Variants in IQGAP1 observed in about 807,000 individuals in gnomAD.
IQGAP1 encodes the protein ras GTPase-activating-like protein IQGAP1.
IQGAP1 carries 66 observed loss-of-function variants against 215.6 expected under a neutral mutation model. That is an observed-to-expected ratio of 0.31 (90% CI 0.25 to 0.38). The LOEUF (loss-of-function observed/expected upper bound fraction) is 0.38. Ranked by LOEUF, IQGAP1 falls within the 10% of genes least tolerant of loss-of-function variation. The pLI, the probability that IQGAP1 is intolerant of heterozygous loss-of-function variation, is 1.00. For missense variants in IQGAP1, 1,712 were observed against 1,997.1 expected (o/e 0.86, Z 2.72); for synonymous variants, 772 against 728.7 (o/e 1.06, Z -0.96).
At chr15:90,455,742 T>C (rs1965670712) in intron 14 of IQGAP1, among the ~76,000 whole-genome samples, 1 of 152,238 alleles carries the variant, frequency 6.6e-6, no homozygotes, top group Non-Finnish European at 1.5e-5. Context: ...CCTTGTTATT[T>C]CTTCTATAAA....
intron 5 of IQGAP1, among the ~76,000 whole-genome samples, chr15:90,434,305 G>T (rs187262920): frequency 6.6e-6 from 1 of 152,016 alleles, no homozygotes; most frequent in Admixed American, 6.6e-5. Context: ...GGGCATGGTG[G>T]CGGGTGCCTG....
chr15:90,440,714 A>G, intron 7 of IQGAP1, 99 bp downstream of exon 7: 1 of 725,044 alleles, frequency 1.4e-6, no homozygotes. Flanking sequence ...GAATCTTGCC[A>G]GCAAGTTTAA....
intron 2 of IQGAP1, among the ~76,000 whole-genome samples, chr15:90,419,970 T>G (rs1965110042): frequency 6.6e-6 from 1 of 152,266 alleles, no homozygotes; most frequent in Admixed American, 6.5e-5. Flanking sequence ...GAGTACTTAC[T>G]CTGTGCCAGG....
chr15:90,395,891 A>G (rs980307390), intron 2 of IQGAP1, among the ~76,000 whole-genome samples: 2 of 152,232 alleles, frequency 1.3e-5, no homozygotes, highest in Non-Finnish European at 2.9e-5. Flanking sequence ...TAATTCCAGC[A>G]TTCTCTGAGT....
intron 2 of IQGAP1, among the ~76,000 whole-genome samples, chr15:90,412,892 T>C (rs1312772350): frequency 6.6e-6 from 1 of 152,204 alleles, no homozygotes; most frequent in Admixed American, 6.5e-5. Flanking sequence ...TATGTTCCCC[T>C]TCTGTATTGC....
At chr15:90,493,801 C>A (rs1041734252) in intron 35 of IQGAP1, among the ~76,000 whole-genome samples, 1 of 152,202 alleles carries the variant, frequency 6.6e-6, no homozygotes, top group South Asian at 2.1e-4. Context: ...GATGTGTTTT[C>A]ATTGTTCCTT....
chr15:90,451,000 G>A (rs949776825), intron 11 of IQGAP1, among the ~76,000 whole-genome samples: 12 of 151,836 alleles, frequency 7.9e-5, no homozygotes, highest in Non-Finnish European at 1.2e-4. Context: ...TTTTGCTTTC[G>A]TTGCTTATGC....
chr15:90,421,733 G>T (rs1316216278), intron 2 of IQGAP1, among the ~76,000 whole-genome samples: 2 of 152,254 alleles, frequency 1.3e-5, no homozygotes, highest in African/African-American at 4.8e-5. Context: ...CTCTGCTGTT[G>T]CCCAGGCTGG....
chr15:90,428,137 T>C (rs1596261695), intron 3 of IQGAP1, among the ~76,000 whole-genome samples: 2 of 152,204 alleles, frequency 1.3e-5, no homozygotes, highest in South Asian at 4.2e-4. Context: ...AGTAATGCCA[T>C]CATGGCTCAC....
In IQGAP1 at chr15:90,466,357, C is replaced by T; in HGVS notation, c.1956C>T (p.Gly652=). The T allele has an allele frequency of 1.2e-6, 2 of 1,614,122 alleles. No homozygotes were observed. The highest frequency in any genetic ancestry group is 1.1e-5 in the South Asian group (1 of 91,078). ...GTGCCCTTCGCTCCCCTGATGTTGG[C>T]TTGTATGGAGTCATCCCTGAGTGTG... is the stretch of plus-strand genomic sequence containing the variant. ...TLSALRSPDV[G]LYGVIPECGE... is the part of the protein sequence containing the mutation. The change falls in exon 17 of 38, where the codon GGC becomes GGT. Residue 652 remains glycine, a synonymous_variant. Transcript: ENST00000268182.
rs377741768 is a variant in IQGAP1 at position 90,448,553 on chromosome 15, C to A, written c.914-20C>A. 29 of 1,553,004 alleles carry A rather than the reference C, an allele frequency of 1.9e-5. No homozygotes were observed. The highest frequency in any genetic ancestry group is 2.4e-5 in the Non-Finnish European group (28 of 1,148,836). ...TCTGTTAACATAGTCCTTTCACAAG[C>A]TTTTGCCTTTTTTCCTCAGCATTTT... On this transcript the variant is annotated intron_variant, in intron 9 of 37. Coordinates refer to ENST00000268182, the MANE Select transcript of IQGAP1 (RefSeq NM_003870.4).
intron 9 of IQGAP1, among the ~76,000 whole-genome samples, chr15:90,447,137 A>G (rs994197897): frequency 4.6e-5 from 7 of 152,204 alleles, no homozygotes; most frequent in Non-Finnish European, 2.9e-5. Flanking sequence ...CATATAGCAG[A>G]TCCTCAGTAA....
intron 28 of IQGAP1, chr15:90,483,137 T>C (rs1567141274): frequency 2.0e-6 from 1 of 490,250 alleles, no homozygotes. Context: ...TAGTTTTCAG[T>C]TCTGTTCTCA....
chr15:90,427,662 C>T (rs1392174488), intron 3 of IQGAP1, among the ~76,000 whole-genome samples: 5 of 152,072 alleles, frequency 3.3e-5, no homozygotes, highest in Admixed American at 1.3e-4. Context: ...ATCACTTGAA[C>T]CCAGGAGGCG....
chr15:90,388,246 C>A lies in IQGAP1; in HGVS notation c.-96C>A. On this transcript the variant is annotated 5_prime_UTR_variant, in exon 1 of 38. Coordinates refer to ENST00000268182, the MANE Select transcript of IQGAP1 (RefSeq NM_003870.4). ...GGCACGGGGCGGGGCCTCGGGGACC[C>A]CGGCAAGCCCGCGCACTTGGCAGGA... 4 of 1,415,234 alleles carry A rather than the reference C, an allele frequency of 2.8e-6. No homozygotes were observed. Among genetic ancestry groups the A allele is most frequent in the South Asian group, 1.2e-5 (1 of 82,330 alleles). The allele number at this position is 1,415,234 out of a possible 1,614,324, so 87.7% of individuals were successfully genotyped here.
chr15:90,450,730 G>C (rs886804272), intron 11 of IQGAP1, among the ~76,000 whole-genome samples: 1 of 151,012 alleles, frequency 6.6e-6, no homozygotes, highest in Admixed American at 6.6e-5. Context: ...TATACCTGTT[G>C]GCCATTTGTG....
At chr15:90,439,868 A>G (rs16944421) in intron 6 of IQGAP1, among the ~76,000 whole-genome samples, 32,349 of 152,070 alleles carry the variant, frequency 0.21, 4,590 homozygotes, top group African/African-American at 0.4. Context: ...TGTATTTGCT[A>G]TAGCCAGATG....
At chr15:90,422,033 A>G (rs568912199) in intron 2 of IQGAP1, among the ~76,000 whole-genome samples, 3 of 152,376 alleles carry the variant, frequency 2.0e-5, no homozygotes, top group African/African-American at 7.2e-5. Flanking sequence ...TTAAGCTAAA[A>G]TACCTTTAAT....
At chr15:90,394,479 C>G (rs909102276) in intron 2 of IQGAP1, among the ~76,000 whole-genome samples, 11 of 152,164 alleles carry the variant, frequency 7.2e-5, no homozygotes, top group African/African-American at 9.7e-5. Flanking sequence ...GCTGCCACCC[C>G]TAAAAAGTGT....
Sources: gnomAD v4.1 joint callset for allele counts (sites outside exome capture counted in the v4.1 genomes callset) on GRCh38, gnomAD v4.1.1 for gene constraint, MANE v1.5 for transcripts, NCBI Gene and HGNC (gene_info 2026-07-23, HGNC 2026-07-21) for gene names.